Variants in GRIN2A observed in about 807,000 individuals in gnomAD.
GRIN2A encodes the protein glutamate receptor ionotropic, NMDA 2A.
GRIN2A carries 22 observed loss-of-function variants against 113.4 expected under a neutral mutation model. The ratio of observed to expected loss-of-function variants is 0.19; its 90% CI spans 0.14 to 0.28. The LOEUF (loss-of-function observed/expected upper bound fraction) is 0.28, where lower values mean the gene tolerates loss of function less well. GRIN2A is among the 10% of genes least tolerant of loss of function. GRIN2A has a pLI of 1.00. For missense variants in GRIN2A, 1,502 were observed against 1,887.0 expected, an observed-to-expected ratio of 0.80 and a Z score of 3.78; for synonymous variants, 827 against 738.4, an observed-to-expected ratio of 1.12 and a Z score of -1.94.
chr16:9,963,485 T>G (rs1379413357), intron 2 of GRIN2A, among the ~76,000 whole-genome samples: 1 of 152,052 alleles, frequency 6.6e-6, no homozygotes, highest in Non-Finnish European at 1.5e-5. Context: ...CCTATGTTCA[T>G]GTATTCTCAT....
At chr16:9,923,024 T>C (rs1178257823) in intron 3 of GRIN2A, among the ~76,000 whole-genome samples, 2 of 152,186 alleles carry the variant, frequency 1.3e-5, no homozygotes, top group Non-Finnish European at 2.9e-5. Flanking sequence ...GTTAAAATCA[T>C]CTGTATCTTT....
At chr16:10,081,841 C>T (rs1470901704) in intron 2 of GRIN2A, among the ~76,000 whole-genome samples, 1 of 152,140 alleles carries the variant, frequency 6.6e-6, no homozygotes, top group Middle Eastern at 3.2e-3. Flanking sequence ...ACCTCCAAGG[C>T]CCTATGTCCC....
intron 2 of GRIN2A, among the ~76,000 whole-genome samples, chr16:9,970,138 A>T (rs1465547002): frequency 1.3e-5 from 2 of 152,204 alleles, no homozygotes; most frequent in Non-Finnish European, 2.9e-5. Context: ...GCTCAAATTC[A>T]ATGTTTGAGT....
At chr16:10,156,201 G>A (rs996004575) in intron 2 of GRIN2A, among the ~76,000 whole-genome samples, 3 of 152,222 alleles carry the variant, frequency 2.0e-5, no homozygotes, top group Non-Finnish European at 4.4e-5. Context: ...TGCTATGCAT[G>A]AGGTCAGCCA....
In GRIN2A at chr16:9,857,569, G is replaced by T. The variant is rs558804975; in HGVS notation, c.1123-7608C>A. On this transcript the variant is annotated intron_variant, in intron 4 of 12. Coordinates refer to ENST00000330684, the MANE Select transcript of GRIN2A (RefSeq NM_001134407.3). ...TTTAAACTTTGGAGCCAGCCACTCT[G>T]GCTTCAAATCCCAGCTGTACCACTT... Among the ~76,000 whole-genome samples, 503 of 152,308 alleles carry T rather than the reference G, an allele frequency of 3.3e-3. 6 individuals carry two copies. Among genetic ancestry groups the T allele is most frequent in the Non-Finnish European group, 4.8e-3 (329 of 68,028 alleles).
rs1900336419 is a variant in GRIN2A, at chr16:9,756,001, T to C, written c.*7148A>G. ...TGTCCCACCTCTGAAACTCATTCCA[T>C]CTGCCTGGCAAAGATAACCAAACAT... is the stretch of plus-strand genomic sequence containing the variant. On this transcript the variant is annotated 3_prime_UTR_variant, in exon 13 of 13. Coordinates refer to ENST00000330684, the MANE Select transcript of GRIN2A (RefSeq NM_001134407.3). The C allele has an allele frequency of 9.1e-6, 2 of 219,702 alleles. No individual in the cohort carries two copies. The highest frequency in any genetic ancestry group is 1.8e-5 in the Non-Finnish European group (2 of 109,412). 13.6% of individuals were successfully genotyped at this position (219,702 alleles called of 1,614,324 possible).
intron 4 of GRIN2A, among the ~76,000 whole-genome samples, chr16:9,858,733 G>A (rs968047222): frequency 7.9e-5 from 12 of 152,094 alleles, no homozygotes; most frequent in African/African-American, 2.7e-4. Flanking sequence ...TTATCAAAAT[G>A]TTCAGCCAAT....
At position 9,753,433 on chromosome 16, in the gene GRIN2A, T is replaced by C. The variant is rs989480257; in HGVS notation, c.*9716A>G. 4 of 193,096 alleles carry C rather than the reference T, an allele frequency of 2.1e-5. No individual in the cohort carries two copies. Among genetic ancestry groups the C allele is most frequent in the African/African-American group, 9.3e-5 (4 of 43,086 alleles). The allele number at this position is 193,096 out of a possible 1,614,324, so 12.0% of individuals were successfully genotyped here. A position where few individuals can be genotyped will look rare whatever the true frequency, so the allele number is the denominator to read the frequency against. On this transcript the variant is annotated 3_prime_UTR_variant, in exon 13 of 13. Transcript: ENST00000330684. ...TCATTTTCATATCAATTGGCAGAAA[T>C]TATCTTTATTAGAAAAATGAAATTT...
At chr16:10,071,472 G>A (rs1448890197) in intron 2 of GRIN2A, among the ~76,000 whole-genome samples, 3 of 152,212 alleles carry the variant, frequency 2.0e-5, no homozygotes, top group Admixed American at 1.3e-4. Flanking sequence ...TGGTTGTCCT[G>A]ATTATGTAAG....
intron 4 of GRIN2A, among the ~76,000 whole-genome samples, chr16:9,877,869 T>C (rs1254925587): frequency 1.3e-5 from 1 of 75,016 alleles, no homozygotes; most frequent in Non-Finnish European, 2.3e-5. Context: ...CCTGCCTCCC[T>C]CTCCCCCAAC....
At chr16:9,856,614 G>T (rs2042973297) in intron 4 of GRIN2A, among the ~76,000 whole-genome samples, 1 of 127,684 alleles carries the variant, frequency 7.8e-6, no homozygotes, top group Non-Finnish European at 1.6e-5. Context: ...GACAGAGTGA[G>T]ACTCCATCTC....
At chr16:9,854,719 C>T (rs556883097) in intron 4 of GRIN2A, among the ~76,000 whole-genome samples, 1 of 152,224 alleles carries the variant, frequency 6.6e-6, no homozygotes, top group Admixed American at 6.5e-5. Context: ...AACTTTAGAT[C>T]AGCATTCCTG....
At chr16:10,029,440 C>T (rs184764754) in intron 2 of GRIN2A, among the ~76,000 whole-genome samples, 24 of 152,172 alleles carry the variant, frequency 1.6e-4, no homozygotes, top group African/African-American at 3.9e-4. Flanking sequence ...GTGATCCTCC[C>T]GCCTCGGCCT....
intron 10 of GRIN2A, among the ~76,000 whole-genome samples, chr16:9,806,021 T>G (rs541537085): frequency 1.3e-5 from 2 of 152,338 alleles, no homozygotes; most frequent in Non-Finnish European, 2.9e-5. Context: ...AAGTCAGAGT[T>G]ATACCAACAT....
At chr16:9,937,237 GT>G (rs1301046879) in intron 3 of GRIN2A, among the ~76,000 whole-genome samples, 3 of 151,972 alleles carry the variant, frequency 2.0e-5, no homozygotes, top group African/African-American at 2.4e-5. Flanking sequence ...GGGGCGGGAG[GT>G]GGGGATGATC....
intron 2 of GRIN2A, among the ~76,000 whole-genome samples, chr16:10,164,132 T>A (rs1441294852): frequency 6.6e-6 from 1 of 152,210 alleles, no homozygotes; most frequent in Admixed American, 6.5e-5. Flanking sequence ...GCATGATGGC[T>A]CTCTCCGGGG....
At chr16:10,174,613 T>C (rs941098826) in intron 2 of GRIN2A, among the ~76,000 whole-genome samples, 25 of 152,150 alleles carry the variant, frequency 1.6e-4, no homozygotes, top group African/African-American at 5.6e-4. Flanking sequence ...TTTTTCATTA[T>C]TTATAACACA....
In GRIN2A at chr16:9,811,272, A is replaced by G. The variant is rs116218800; in HGVS notation, c.2168+10992T>C. Reference sequence around the variant, plus strand: ...GAGGGTTAGCACAACATCATGGGTCAGAAAAGATGTTGGGTCTTCAACTGA... The same window carrying G: ...GAGGGTTAGCACAACATCATGGGTCGGAAAAGATGTTGGGTCTTCAACTGA... On this transcript the variant is annotated intron_variant, in intron 10 of 12. Transcript: ENST00000330684. Among the ~76,000 whole-genome samples the G allele has an allele frequency of 1.1e-3, 173 of 152,338 alleles. 1 individual carries two copies. Among genetic ancestry groups the G allele is most frequent in the African/African-American group, 3.9e-3 (163 of 41,580 alleles).
At chr16:9,998,323 T>G (rs913912619) in intron 2 of GRIN2A, among the ~76,000 whole-genome samples, 1 of 152,132 alleles carries the variant, frequency 6.6e-6, no homozygotes, top group African/African-American at 2.4e-5. Flanking sequence ...TCCATTCACA[T>G]AAAATGTCCA....
Sources: gnomAD v4.1 joint callset for allele counts (sites outside exome capture counted in the v4.1 genomes callset) on GRCh38, gnomAD v4.1.1 for gene constraint, MANE v1.5 for transcripts, NCBI Gene and HGNC (gene_info 2026-07-23, HGNC 2026-07-21) for gene names.